Variants in BYSL observed in about 807,000 individuals in gnomAD.
BYSL encodes the protein bystin.
Under a neutral mutation model 45.4 loss-of-function variants are expected in BYSL, and 21 were observed. The ratio of observed to expected loss-of-function variants is 0.46; its 90% confidence interval spans 0.33 to 0.67. The LOEUF (loss-of-function observed/expected upper bound fraction) is 0.67. Among genes scored for constraint, BYSL ranks in the 30% least tolerant of loss-of-function variants. The pLI is 0.02. For missense variants in BYSL, 522 were observed against 578.5 expected (o/e 0.90, Z 1.00); for synonymous variants, 215 against 231.3 (o/e 0.93, Z 0.64).
chr6:41,931,126 A>G (rs183269105), intron 4 of BYSL, among the ~76,000 whole-genome samples: 2 of 151,306 alleles, frequency 1.3e-5, no homozygotes, highest in East Asian at 3.9e-4. Context: ...GGGCTACTCA[A>G]CTGATGCTGA....
chr6:41,920,933 C>G (rs1775447796), upstream of BYSL: 1 of 1,561,436 alleles, frequency 6.4e-7, no homozygotes, highest in Admixed American at 1.8e-5. Context: ...GGACGGCGGA[C>G]CATGGTCAAG....
At chr6:41,914,434 G>A in the BYSL span, among the ~76,000 whole-genome samples, 1 of 152,332 alleles carries the variant, frequency 6.6e-6, no homozygotes, top group Non-Finnish European at 1.5e-5. Flanking sequence ...ACAGGTACAT[G>A]AGTGGCATGG....
chr6:41,922,486 A>G (rs1255631477), intron 1 of BYSL, among the ~76,000 whole-genome samples: 4 of 152,228 alleles, frequency 2.6e-5, no homozygotes, highest in Admixed American at 6.5e-5. Context: ...ATCTCATCTA[A>G]AGCAATATTT....
chr6:41,919,471 C>CT (rs1190024568), upstream of BYSL, among the ~76,000 whole-genome samples: 1 of 152,152 alleles, frequency 6.6e-6, no homozygotes, highest in Admixed American at 6.5e-5. Context: ...TGTCACTACT[C>CT]TATCAGAAAA....
At chr6:41,911,371 GA>G in the BYSL span, among the ~76,000 whole-genome samples, 1 of 151,878 alleles carries the variant, frequency 6.6e-6, no homozygotes, top group Admixed American at 6.6e-5. Context: ...GGCTGGTCTT[GA>G]ACTCCTGACC....
the BYSL span, chr6:41,909,235 GA>G: frequency 6.3e-7 from 1 of 1,599,802 alleles, no homozygotes; most frequent in Non-Finnish European, 8.5e-7. Context: ...AGCCCCCTCA[GA>G]ACATCCTGCT....
In BYSL at chr6:41,927,408, G is replaced by A; in HGVS notation, c.303G>A (p.Glu101=). The change falls in exon 2 of 7, where the codon GAG becomes GAA. Residue 101 remains glutamate, a synonymous_variant. Coordinates refer to ENST00000230340, the MANE Select transcript of BYSL (RefSeq NM_004053.4). ...PRMPQDGSDD[E]DEEWPTLEKA... ...TGCCTCAGGATGGATCAGATGACGA[G>A]GACGAGGAGTGGCCCACCCTGGAGA... is the stretch of plus-strand genomic sequence containing the variant. 6.2e-7 allele frequency: 1 copy of A among 1,614,182 alleles called. No individual in the cohort carries two copies.
chr6:41,921,074 C>A (rs1353532070), upstream of BYSL: 8 of 1,603,338 alleles, frequency 5.0e-6, no homozygotes. Context: ...GGTTCCCTGT[C>A]CGCCCACAGA....
Position 41,921,691 on chromosome 6 carries a change from A to C in BYSL, c.129A>C (p.Gly43=). The part of the protein sequence containing the change: ...VREKRRGRGT[G]EAEEEYVGPR... ...AGAAGCGGCGGGGTCGCGGGACAGG[A>C]GAAGCGGAGGAAGAGTATGTGGGGC... is the stretch of plus-strand genomic sequence containing the variant. Residue 43 remains glycine (G), a synonymous_variant, in exon 1 of 7, where the codon GGA becomes GGC. Coordinates refer to ENST00000230340, the MANE Select transcript of BYSL (RefSeq NM_004053.4). 1 of 1,613,000 alleles carries C rather than the reference A, an allele frequency of 6.2e-7. No individual in the cohort carries two copies.
intron 1 of BYSL, among the ~76,000 whole-genome samples, chr6:41,925,256 C>G (rs529092332): frequency 4.6e-5 from 7 of 152,306 alleles, no homozygotes; most frequent in Non-Finnish European, 8.8e-5. Context: ...TGTTAATGAC[C>G]TATTGATACG....
In BYSL at chr6:41,921,791, G is replaced by T. The variant is rs1476572914; in HGVS notation, c.229G>T (p.Asp77Tyr). The stretch of plus-strand genomic sequence containing the variant: ...ACTCGAGGCCGAGCATGGGACTGGG[G>T]ACAAGCCCGCGGCGCCGCGGGAACG... ...EELEAEHGTG[D>Y]KPAAPRERTT... The change falls in exon 1 of 7, where the codon GAC becomes TAC. Residue 77 changes from aspartate (D) to tyrosine (Y), a missense_variant. Asp to Tyr is a radical substitution (Grantham distance 160). Coordinates refer to ENST00000230340, the MANE Select transcript of BYSL (RefSeq NM_004053.4). 4 of 1,612,830 alleles carry T rather than the reference G, an allele frequency of 2.5e-6. No homozygotes were observed. The highest frequency in any genetic ancestry group is 2.2e-5 in the South Asian group (2 of 91,032).
upstream of BYSL, among the ~76,000 whole-genome samples, chr6:41,919,984 C>T (rs1279614697): frequency 6.6e-6 from 1 of 152,212 alleles, no homozygotes; most frequent in Non-Finnish European, 1.5e-5. Flanking sequence ...CCTATATCCA[C>T]TGGCTTCAAA....
the BYSL span, among the ~76,000 whole-genome samples, chr6:41,915,860 T>C: frequency 6.6e-6 from 1 of 152,118 alleles, no homozygotes; most frequent in South Asian, 2.1e-4. Flanking sequence ...GTACCTTGGT[T>C]TTGGTGATAG....
rs41273800 is a variant in BYSL, at chr6:41,921,934, G to C, written c.268+104G>C. The stretch of plus-strand genomic sequence containing the variant: ...GGGAATTGCTTCGAGTCAACAAAGG[G>C]GTCCGTATTACACTTGCAAAGGAGA... On this transcript the variant is annotated intron_variant, in intron 1 of 6. Coordinates refer to ENST00000230340, the MANE Select transcript of BYSL (RefSeq NM_004053.4). 13,351 of 1,432,066 alleles carry C rather than the reference G, an allele frequency of 9.3e-3. 87 individuals are homozygous for C. Among genetic ancestry groups the C allele is most frequent in the Non-Finnish European group, 0.011 (11,968 of 1,082,412 alleles). The allele number at this position is 1,432,066 out of a possible 1,614,324, so 88.7% of individuals were successfully genotyped here.
intron 1 of BYSL, 91 bp downstream of exon 1, chr6:41,921,921 G>C: frequency 6.1e-6 from 9 of 1,468,966 alleles, no homozygotes; most frequent in Middle Eastern, 2.5e-4. Context: ...GAATTGCTTC[G>C]AGTCAACAAA....
upstream of BYSL, chr6:41,917,785 A>G (rs757667894): frequency 6.4e-6 from 3 of 471,280 alleles, no homozygotes; most frequent in African/African-American, 2.0e-5. Context: ...TTGGGTTAAC[A>G]TGTTTTTACC....
Position 41,930,709 on chromosome 6 carries a change from A to G in BYSL, c.645A>G (p.Gln215=). The part of the protein sequence containing the change: ...KIIPALSNWE[Q]ILYVTEPEAW... ...TCCCTGCACTCTCCAACTGGGAGCA[A>G]ATCCTCTACGTCACAGAGCCGGAGG... is the stretch of plus-strand genomic sequence containing the variant. Residue 215 remains glutamine, a synonymous_variant, in exon 4 of 7, where the codon CAA becomes CAG. Coordinates refer to ENST00000230340, the MANE Select transcript of BYSL (RefSeq NM_004053.4). 6.2e-7 allele frequency: 1 copy of G among 1,614,098 alleles called. No homozygotes were observed. The highest frequency in any genetic ancestry group is 8.5e-7 in the Non-Finnish European group (1 of 1,179,968).
At chr6:41,916,862 A>G (rs775739222), upstream of BYSL, 41 of 1,613,978 alleles carry the variant, frequency 2.5e-5, no homozygotes, top group Admixed American at 5.5e-4. Flanking sequence ...CTCTGCCCCA[A>G]GCATCTCCAA....
rs1417415485 is a variant in BYSL, at chr6:41,927,165, T to C, written c.269-209T>C. Among the ~76,000 whole-genome samples, 5 of 152,138 alleles carry C rather than the reference T, an allele frequency of 3.3e-5. 1 individual carries two copies. Among genetic ancestry groups the C allele is most frequent in the African/African-American group, 1.2e-4 (5 of 41,448 alleles). ...TAACTATTATTTATGGCCATTGCTT[T>C]TCTTATTGTTTCCTGTATATACATT... On this transcript the variant is annotated intron_variant, in intron 1 of 6. Transcript: ENST00000230340.
Sources: gnomAD v4.1 joint callset for allele counts (sites outside exome capture counted in the v4.1 genomes callset) on GRCh38, gnomAD v4.1.1 for gene constraint, MANE v1.5 for transcripts, NCBI Gene and HGNC (gene_info 2026-07-23, HGNC 2026-07-21) for gene names.